TMEM68: variants seen among roughly 807,000 people sequenced by gnomAD.
The protein encoded by TMEM68 is DGAT1/2-independent enzyme synthesizing storage lipids.
In TMEM68, 25 loss-of-function variants were observed where a neutral mutation model predicts 36.9. That is an observed-to-expected ratio of 0.68 (90% confidence interval 0.49 to 0.95). The LOEUF (loss-of-function observed/expected upper bound fraction) is 0.95, where lower values mean the gene tolerates loss of function less well. Among genes scored for constraint, TMEM68 ranks in the 40% least tolerant of loss-of-function variants. The pLI is 0.00. For synonymous variants in TMEM68, 131 were observed against 124.4 expected, an observed-to-expected ratio of 1.05 and a Z score of -0.35; for missense variants, 333 against 392.0, an observed-to-expected ratio of 0.85 and a Z score of 1.27.
chr8:55,770,240 T>C (rs1485837129), intron 1 of TMEM68, among the ~76,000 whole-genome samples: 1 of 152,226 alleles, frequency 6.6e-6, no homozygotes, highest in Non-Finnish European at 1.5e-5. Flanking sequence ...CTTTCTTTGA[T>C]ATATCTCTCT....
chr8:55,767,062 GCA>G, intron 1 of TMEM68, among the ~76,000 whole-genome samples: 1 of 132,476 alleles, frequency 7.5e-6, no homozygotes, highest in African/African-American at 2.9e-5. Context: ...AATAAAAATA[GCA>G]TCTACCTAAT....
intron 4 of TMEM68, among the ~76,000 whole-genome samples, chr8:55,755,530 C>T (rs981716276): frequency 2.6e-5 from 4 of 151,798 alleles, no homozygotes; most frequent in African/African-American, 9.7e-5. Flanking sequence ...CCTCGTCCTC[C>T]CAAAGTGCTG....
chr8:55,757,082 G>A (rs1404820737), intron 3 of TMEM68, among the ~76,000 whole-genome samples: 4 of 152,130 alleles, frequency 2.6e-5, no homozygotes, highest in South Asian at 4.1e-4. Flanking sequence ...TGTTAGAGGA[G>A]GGGGTTGAAA....
At chr8:55,769,671 C>G (rs1287271254) in intron 1 of TMEM68, among the ~76,000 whole-genome samples, 1 of 151,962 alleles carries the variant, frequency 6.6e-6, no homozygotes, top group East Asian at 1.9e-4. Flanking sequence ...CTCACTCTGT[C>G]ACCCAGGCTG....
chr8:55,770,239 A>G (rs1007802157), intron 1 of TMEM68, among the ~76,000 whole-genome samples: 2 of 152,198 alleles, frequency 1.3e-5, no homozygotes, highest in African/African-American at 4.8e-5. Flanking sequence ...ACTTTCTTTG[A>G]TATATCTCTC....
At chr8:55,742,882 C>A (rs989796366) in intron 7 of TMEM68, among the ~76,000 whole-genome samples, 4 of 151,460 alleles carry the variant, frequency 2.6e-5, no homozygotes, top group African/African-American at 9.7e-5. Context: ...CTTTATCCTC[C>A]TTCATCTCTT....
chr8:55,750,882 T>G (rs889603565), intron 5 of TMEM68, 82 bp downstream of exon 5: 29 of 1,391,274 alleles, frequency 2.1e-5, no homozygotes, highest in Non-Finnish European at 2.8e-5. Context: ...GTCTAAGTTC[T>G]TATACAATTT....
chr8:55,752,483 A>T (rs951303578), intron 4 of TMEM68, among the ~76,000 whole-genome samples: 1 of 151,806 alleles, frequency 6.6e-6, no homozygotes, highest in African/African-American at 2.4e-5. Flanking sequence ...GCTACTCAGG[A>T]GGCTGAGGCA....
chr8:55,769,062 T>C (rs1347500983), intron 1 of TMEM68, among the ~76,000 whole-genome samples: 4 of 140,432 alleles, frequency 2.8e-5, no homozygotes, highest in African/African-American at 1.1e-4. Flanking sequence ...CAGTGGTTCA[T>C]GCCTGTAATC....
At chr8:55,748,390 T>C (rs527351926) in intron 5 of TMEM68, among the ~76,000 whole-genome samples, 34 of 152,298 alleles carry the variant, frequency 2.2e-4, no homozygotes, top group African/African-American at 7.2e-4. Context: ...CAGGCTGGTC[T>C]GGATCTCCTA....
chr8:55,739,820 C>A lies in TMEM68; in HGVS notation c.*312G>T. 3.6e-6 allele frequency: 1 copy of A among 276,868 alleles called. No homozygotes were observed. Among genetic ancestry groups the A allele is most frequent in the Non-Finnish European group, 6.8e-6 (1 of 147,154 alleles). 17.2% of individuals were successfully genotyped at this position (276,868 alleles called of 1,614,324 possible). ...AGATACAGAAATTTAACGCATTATC[C>A]AGGAATGTTTGTTTAACCTAAACTG... is the stretch of plus-strand genomic sequence containing the variant. On this transcript the variant is annotated 3_prime_UTR_variant, in exon 8 of 8. Coordinates refer to ENST00000434581, the MANE Select transcript of TMEM68 (RefSeq NM_001286657.2).
chr8:55,746,962 A>G (rs771684496), intron 5 of TMEM68: 3 of 152,250 alleles, frequency 2.0e-5, no homozygotes, highest in Admixed American at 2.0e-4. Context: ...GCAAAGAGAC[A>G]ATGCTTCTAA....
intron 5 of TMEM68, among the ~76,000 whole-genome samples, chr8:55,748,845 C>T (rs1187945458): frequency 6.6e-6 from 1 of 152,142 alleles, no homozygotes; most frequent in Non-Finnish European, 1.5e-5. Context: ...CCTGCCTTGG[C>T]CTCCGAAAGT....
intron 4 of TMEM68, among the ~76,000 whole-genome samples, chr8:55,751,707 A>G (rs1810430986): frequency 6.6e-6 from 1 of 152,248 alleles, no homozygotes; most frequent in African/African-American, 2.4e-5. Flanking sequence ...AGATTTTAAT[A>G]AAGTGAGAGT....
chr8:55,751,278 T>C, intron 4 of TMEM68, 121 bp from the exon 5 acceptor site: 1 of 891,908 alleles, frequency 1.1e-6, no homozygotes, highest in Non-Finnish European at 1.6e-6. Flanking sequence ...CTTTTTTACT[T>C]GTTAAAATCA....
chr8:55,764,521 T>A (rs1156393525), intron 1 of TMEM68, among the ~76,000 whole-genome samples: 1 of 152,162 alleles, frequency 6.6e-6, no homozygotes, highest in Admixed American at 6.6e-5. Context: ...AAGCAAAGGA[T>A]GAAAGGAGAG....
chr8:55,761,291 T>C (rs996260747), intron 3 of TMEM68: 5 of 152,220 alleles, frequency 3.3e-5, no homozygotes, highest in Non-Finnish European at 7.4e-5. Context: ...TCATGTATCA[T>C]ATGAACTAAC....
intron 7 of TMEM68, among the ~76,000 whole-genome samples, chr8:55,743,144 C>T (rs542871127): frequency 1.0e-3 from 152 of 152,264 alleles, no homozygotes; most frequent in Non-Finnish European, 2.0e-3. Flanking sequence ...ACTGAAATCT[C>T]CATCATCAAT....
chr8:55,763,594 G>C (rs1410455141), intron 2 of TMEM68: 1 of 152,118 alleles, frequency 6.6e-6, no homozygotes, highest in Non-Finnish European at 1.5e-5. Context: ...CACTATGTTG[G>C]CCAGGCTGGT....
Sources: gnomAD v4.1 joint callset for allele counts (sites outside exome capture counted in the v4.1 genomes callset) on GRCh38, gnomAD v4.1.1 for gene constraint, MANE v1.5 for transcripts, NCBI Gene and HGNC (gene_info 2026-07-23, HGNC 2026-07-21) for gene names.